Variants in PTPRD observed in about 807,000 individuals in gnomAD.
PTPRD encodes the protein protein tyrosine phosphatase receptor type D, also known as receptor-type tyrosine-protein phosphatase delta.
A neutral mutation model predicts 214.5 loss-of-function variants in PTPRD; 34 were observed. The observed-to-expected ratio is 0.16, with a 90% CI of 0.12 to 0.21. The LOEUF is 0.21. Ranked by LOEUF, PTPRD falls within the 10% of genes least tolerant of loss-of-function variation. The pLI, the probability that PTPRD is intolerant of heterozygous loss-of-function variation, is 1.00. For synonymous variants in PTPRD, 1,128 were observed against 845.7 expected (o/e 1.33, Z -5.79); for missense variants, 2,545 against 2,398.7 (o/e 1.06, Z -1.27).
At chr9:9,751,820 C>T (rs1321127037) in intron 6 of PTPRD, among the ~76,000 whole-genome samples, 2 of 152,012 alleles carry the variant, frequency 1.3e-5, no homozygotes, top group East Asian at 3.9e-4. Context: ...GTTTGTACTA[C>T]TTTGCAATAG....
intron 8 of PTPRD, among the ~76,000 whole-genome samples, chr9:9,453,465 G>A (rs529781848): frequency 3.2e-4 from 48 of 151,460 alleles, no homozygotes; most frequent in Non-Finnish European, 5.3e-4. Context: ...CATCTGTGTC[G>A]GGGAAATATT....
intron 42 of PTPRD, among the ~76,000 whole-genome samples, 167 bp downstream of exon 42, chr9:8,340,176 G>A (rs964005854): frequency 8.5e-5 from 13 of 152,238 alleles, no homozygotes; most frequent in African/African-American, 3.1e-4. Context: ...AACACTTGAT[G>A]TGGCTTTACA....
chr9:8,604,419 C>A (rs2095074414), intron 14 of PTPRD, among the ~76,000 whole-genome samples: 2 of 152,156 alleles, frequency 1.3e-5, no homozygotes, highest in African/African-American at 4.8e-5. Context: ...CAGAGAAATA[C>A]AAGCACAGCA....
intron 7 of PTPRD, among the ~76,000 whole-genome samples, chr9:9,646,300 G>C (rs564056804): frequency 6.7e-6 from 1 of 149,754 alleles, no homozygotes; most frequent in Non-Finnish European, 1.5e-5. Context: ...CATTTTGGGA[G>C]GGGTGTGTGT....
In PTPRD at chr9:9,131,380, A is replaced by G. The variant is rs556054905; in HGVS notation, c.-143+51924T>C. On this transcript the variant is annotated intron_variant, in intron 10 of 45. Coordinates refer to ENST00000381196, the MANE Select transcript of PTPRD (RefSeq NM_002839.4). ...AGAAACAATGGACTTTTCACAGCCT[A>G]TACAAATTTGTATGAATAAATCAGC... 1.9e-4 allele frequency among the ~76,000 whole-genome samples: 29 copies of G among 152,344 alleles called. 1 individual carries two copies. Among genetic ancestry groups the G allele is most frequent in the African/African-American group, 7.0e-4 (29 of 41,582 alleles).
rs532854841 is a variant in PTPRD at position 9,366,802 on chromosome 9, T to C, written c.-203+30647A>G. ...ATAAGGTCCTCATTATTAGTAAACATACATGTAATAAAAATGAATAGAGCT... is the reference window on the plus strand; with the variant it reads ...ATAAGGTCCTCATTATTAGTAAACACACATGTAATAAAAATGAATAGAGCT... On this transcript the variant is annotated intron_variant, in intron 9 of 45. Coordinates refer to ENST00000381196, the MANE Select transcript of PTPRD (RefSeq NM_002839.4). 2.0e-5 allele frequency among the ~76,000 whole-genome samples: 3 copies of C among 151,420 alleles called. No individual in the cohort carries two copies. In the East Asian group the frequency reaches 5.9e-4, roughly 30 times the overall value.
chr9:9,585,872 G>A (rs552463200), intron 7 of PTPRD, among the ~76,000 whole-genome samples: 1 of 152,150 alleles, frequency 6.6e-6, no homozygotes, highest in Admixed American at 6.6e-5. Flanking sequence ...AAGGCTTGAG[G>A]TGTGTTCTGA....
chr9:9,660,621 T>C (rs1325274668), intron 7 of PTPRD, among the ~76,000 whole-genome samples: 1 of 152,036 alleles, frequency 6.6e-6, no homozygotes, highest in Non-Finnish European at 1.5e-5. Context: ...GTAGGCATTT[T>C]TGAAATTTTA....
intron 7 of PTPRD, among the ~76,000 whole-genome samples, chr9:9,725,129 T>C (rs987783276): frequency 2.0e-5 from 3 of 152,164 alleles, no homozygotes; most frequent in Admixed American, 2.0e-4. Flanking sequence ...AAAGGTGATA[T>C]GGTTTGGTTC....
chr9:10,195,682 C>T (rs1324067923), intron 3 of PTPRD, among the ~76,000 whole-genome samples: 1 of 151,942 alleles, frequency 6.6e-6, no homozygotes, highest in African/African-American at 2.4e-5. Flanking sequence ...AGGTTATTTG[C>T]AAAGATAGAT....
At chr9:10,277,590 AC>A (rs1463429175) in intron 3 of PTPRD, among the ~76,000 whole-genome samples, 1 of 152,022 alleles carries the variant, frequency 6.6e-6, no homozygotes, top group Non-Finnish European at 1.5e-5. Flanking sequence ...TTCAATAAAT[AC>A]TGGCTAATGT....
chr9:9,004,940 T>C, intron 11 of PTPRD, among the ~76,000 whole-genome samples: 1 of 152,134 alleles, frequency 6.6e-6, no homozygotes, highest in East Asian at 1.9e-4. Context: ...AAGCCAAAAA[T>C]GAGCTAATTT....
At chr9:10,406,102 T>A (rs114069621) in intron 2 of PTPRD, among the ~76,000 whole-genome samples, 2,399 of 151,444 alleles carry the variant, frequency 0.016, 65 homozygotes, top group African/African-American at 0.053. Flanking sequence ...ATTACTGATG[T>A]TACTAGCTGA....
At chr9:9,620,051 A>C (rs1470027462) in intron 7 of PTPRD, among the ~76,000 whole-genome samples, 1 of 151,856 alleles carries the variant, frequency 6.6e-6, no homozygotes, top group African/African-American at 2.4e-5. Context: ...GGCATTGTTA[A>C]CCTTGTATGG....
At chr9:8,327,897 C>A (rs1364381464) in intron 44 of PTPRD, among the ~76,000 whole-genome samples, 1 of 152,090 alleles carries the variant, frequency 6.6e-6, no homozygotes, top group Non-Finnish European at 1.5e-5. Flanking sequence ...TTATTTTGAG[C>A]CTATGTGTGT....
intron 10 of PTPRD, among the ~76,000 whole-genome samples, chr9:9,139,383 C>G (rs1213933497): frequency 6.6e-6 from 1 of 152,144 alleles, no homozygotes. Context: ...TTTTCAATAA[C>G]CTATGTATGA....
intron 3 of PTPRD, among the ~76,000 whole-genome samples, chr9:10,141,387 A>G (rs1364952325): frequency 6.6e-6 from 1 of 152,172 alleles, no homozygotes; most frequent in Non-Finnish European, 1.5e-5. Flanking sequence ...TAAGCTGATA[A>G]GCAACTTCAG....
chr9:10,589,658 C>T lies in PTPRD; in HGVS notation c.-600+22740G>A, dbSNP rs543180829. 1.6e-3 allele frequency among the ~76,000 whole-genome samples: 243 copies of T among 152,062 alleles called. 1 individual carries two copies. The highest frequency in any genetic ancestry group is 5.7e-3 in the African/African-American group (237 of 41,530). On this transcript the variant is annotated intron_variant, in intron 2 of 45. Coordinates refer to ENST00000381196, the MANE Select transcript of PTPRD (RefSeq NM_002839.4). ...CTATGAAAGAGGATAAAACCTTTGACCCAGCAAATTCCTGACACGAGACAG... is the reference window on the plus strand; with the variant it reads ...CTATGAAAGAGGATAAAACCTTTGATCCAGCAAATTCCTGACACGAGACAG...
At chr9:9,367,978 T>A (rs552137855) in intron 9 of PTPRD, among the ~76,000 whole-genome samples, 3 of 151,880 alleles carry the variant, frequency 2.0e-5, no homozygotes, top group Admixed American at 2.0e-4. Flanking sequence ...TGACATCGTA[T>A]ATGTTGACGT....
Sources: gnomAD v4.1 joint callset for allele counts (sites outside exome capture counted in the v4.1 genomes callset) on GRCh38, gnomAD v4.1.1 for gene constraint, MANE v1.5 for transcripts, NCBI Gene and HGNC (gene_info 2026-07-23, HGNC 2026-07-21) for gene names.